PCDH15: variants seen among roughly 807,000 people sequenced by gnomAD.
PCDH15 encodes protocadherin related 15.
PCDH15 carries 129 observed loss-of-function variants against 178.5 expected under a neutral mutation model. The observed-to-expected ratio is 0.72, with a 90% CI of 0.63 to 0.84. The LOEUF (loss-of-function observed/expected upper bound fraction) is 0.84, where lower values mean the gene tolerates loss of function less well. PCDH15 is among the 40% of genes least tolerant of loss of function. The pLI, the probability that PCDH15 is intolerant of heterozygous loss-of-function variation, is 0.00. For missense variants in PCDH15, 2,230 were observed against 2,099.9 expected (o/e 1.06, Z -1.21); for synonymous variants, 800 against 732.0 (o/e 1.09, Z -1.50).
At chr10:54,479,992 G>A (rs558676338) in intron 3 of PCDH15, among the ~76,000 whole-genome samples, 3 of 151,912 alleles carry the variant, frequency 2.0e-5, no homozygotes, top group South Asian at 2.1e-4. Flanking sequence ...TATTTGCCTC[G>A]AAATATAATT....
At chr10:54,977,050 A>G (rs1453140919) in intron 2 of PCDH15, among the ~76,000 whole-genome samples, 1 of 152,216 alleles carries the variant, frequency 6.6e-6, no homozygotes, top group Non-Finnish European at 1.5e-5. Context: ...ATAAAGAACA[A>G]TGATTCACTG....
At chr10:54,354,182 T>C (rs1944602214) in intron 5 of PCDH15, among the ~76,000 whole-genome samples, 1 of 152,070 alleles carries the variant, frequency 6.6e-6, no homozygotes, top group Non-Finnish European at 1.5e-5. Flanking sequence ...ACGTGGTTTC[T>C]CCATGTTGGA....
intron 8 of PCDH15, among the ~76,000 whole-genome samples, chr10:54,243,989 C>G (rs1380571868): frequency 1.3e-5 from 2 of 152,096 alleles, no homozygotes; most frequent in African/African-American, 2.4e-5. Context: ...AATTATTATC[C>G]TTAGAACAGA....
intron 2 of PCDH15, among the ~76,000 whole-genome samples, chr10:54,547,827 A>G (rs1038961567): frequency 7.2e-5 from 11 of 152,070 alleles, no homozygotes; most frequent in Non-Finnish European, 1.6e-4. Flanking sequence ...TCATGGGTAT[A>G]GTATATATTT....
At chr10:55,186,642 T>A (rs577436659) in intron 1 of PCDH15, among the ~76,000 whole-genome samples, 1 of 151,930 alleles carries the variant, frequency 6.6e-6, no homozygotes, top group Admixed American at 6.6e-5. Context: ...AGAAAAAACT[T>A]ACATTTTTAA....
intron 2 of PCDH15, among the ~76,000 whole-genome samples, chr10:55,425,748 G>A (rs1466122915): frequency 6.6e-6 from 1 of 151,972 alleles, no homozygotes; most frequent in Non-Finnish European, 1.5e-5. Flanking sequence ...CTTTTTCAAA[G>A]GATCTGATTG....
chr10:54,974,102 GAC>G (rs367787221), intron 2 of PCDH15, among the ~76,000 whole-genome samples: 102 of 139,536 alleles, frequency 7.3e-4, no homozygotes, highest in African/African-American at 2.2e-3. Context: ...CACACATACA[GAC>G]ACACACACAC....
At chr10:54,309,144 T>G (rs1216078336) in intron 8 of PCDH15, among the ~76,000 whole-genome samples, 4 of 151,906 alleles carry the variant, frequency 2.6e-5, no homozygotes, top group Non-Finnish European at 5.9e-5. Flanking sequence ...AGAACACTAT[T>G]AAAAACAAAA....
intron 1 of PCDH15, among the ~76,000 whole-genome samples, chr10:54,695,914 T>A (rs1591108810): frequency 6.6e-6 from 1 of 151,958 alleles, no homozygotes; most frequent in Non-Finnish European, 1.5e-5. Context: ...TCATTGACAA[T>A]GCACCTAGTC....
chr10:54,614,380 G>A (rs991386270), intron 2 of PCDH15, among the ~76,000 whole-genome samples: 4 of 151,930 alleles, frequency 2.6e-5, no homozygotes, highest in African/African-American at 9.7e-5. Flanking sequence ...AAAAGCAGTT[G>A]AAAATGCTGA....
Position 54,307,098 on chromosome 10 carries a change from GTGTGTGTATATATATATATATATA to G in PCDH15, c.876+10149_876+10172del, listed in dbSNP as rs2060577620. Among the ~76,000 whole-genome samples, 16 of 13,576 alleles carry G rather than the reference GTGTGTGTATATATATATATATATA, an allele frequency of 1.2e-3. 2 individuals are homozygous for G. The highest frequency in any genetic ancestry group is 0.01 in the Admixed American group (9 of 860). The allele number at this position is 13,576 out of a possible 152,430, so 8.9% of individuals were successfully genotyped here. ...TATATATACATATATATATATGTGT[GTGTGTGTATATATATATATATATA>G]TATATATATATATATATATATATAT... On this transcript the variant is annotated intron_variant, in intron 8 of 37. Transcript: ENST00000644397.
intron 2 of PCDH15, among the ~76,000 whole-genome samples, chr10:55,510,336 C>T (rs1319896310): frequency 6.6e-6 from 1 of 151,606 alleles, no homozygotes; most frequent in Non-Finnish European, 1.5e-5. Flanking sequence ...TTTTTTCCCC[C>T]GAATTTAGTT....
At chr10:55,066,910 C>A (rs1267183370) in intron 2 of PCDH15, among the ~76,000 whole-genome samples, 1 of 151,692 alleles carries the variant, frequency 6.6e-6, no homozygotes, top group African/African-American at 2.4e-5. Flanking sequence ...AAAATGAGAA[C>A]TTGAAATTAT....
rs191212900 is a variant in PCDH15 at position 55,067,358 on chromosome 10, T to C, written c.-80+99218A>G. 1.2e-3 allele frequency among the ~76,000 whole-genome samples: 185 copies of C among 152,104 alleles called. 1 individual carries two copies. Among genetic ancestry groups the C allele is most frequent in the Non-Finnish European group, 5.0e-4 (34 of 67,916 alleles). Reference sequence around the variant, plus strand: ...GTTTGTCTTTTTGTGCCTGTCTCATTTCACTTAATATAACCTCCAGTTCCA... The same window carrying C: ...GTTTGTCTTTTTGTGCCTGTCTCATCTCACTTAATATAACCTCCAGTTCCA... On this transcript the variant is annotated intron_variant, in intron 2 of 5. Coordinates refer to the PCDH15 transcript ENST00000458638.
chr10:54,573,953 A>C (rs1258847347), intron 2 of PCDH15, among the ~76,000 whole-genome samples: 1 of 152,082 alleles, frequency 6.6e-6, no homozygotes, highest in Non-Finnish European at 1.5e-5. Context: ...AGGTTGTGAA[A>C]ATTTTCTCCC....
At chr10:54,395,585 A>G (rs1951104363) in intron 3 of PCDH15, among the ~76,000 whole-genome samples, 1 of 151,998 alleles carries the variant, frequency 6.6e-6, no homozygotes, top group African/African-American at 2.4e-5. Context: ...TTTGTTATGC[A>G]TCGTTTTGAT....
intron 2 of PCDH15, among the ~76,000 whole-genome samples, chr10:55,077,095 A>G (rs1564776665): frequency 7.3e-6 from 1 of 137,818 alleles, no homozygotes. Context: ...AAGTATAGCT[A>G]CTACTCCTTT....
intron 2 of PCDH15, among the ~76,000 whole-genome samples, chr10:55,082,215 A>G (rs1422799510): frequency 6.6e-6 from 1 of 152,112 alleles, no homozygotes; most frequent in Admixed American, 6.6e-5. Context: ...AATTATATCA[A>G]GTATCTTCTC....
intron 1 of PCDH15, among the ~76,000 whole-genome samples, chr10:54,709,680 A>G (rs1293636770): frequency 1.4e-5 from 2 of 141,454 alleles, no homozygotes; most frequent in African/African-American, 2.6e-5. Context: ...TATGGGAGTA[A>G]TGTGTGTGTG....
Sources: allele counts gnomAD v4.1 joint callset (sites outside exome capture counted in the v4.1 genomes callset), GRCh38; gene constraint gnomAD v4.1.1; transcripts MANE v1.5; gene names NCBI Gene and HGNC (gene_info 2026-07-23, HGNC 2026-07-21).